The following CSNK2A1 variants were observed in gnomAD, a reference collection of about 807,000 sequenced individuals.
The protein encoded by CSNK2A1 is casein kinase II subunit alpha.
In CSNK2A1, 10 loss-of-function variants were observed where a neutral mutation model predicts 62.9. The observed-to-expected ratio is 0.16, with a 90% CI of 0.10 to 0.27. The LOEUF (loss-of-function observed/expected upper bound fraction) is 0.27, where lower values mean the gene tolerates loss of function less well. CSNK2A1 is among the 10% of genes least tolerant of loss of function. The pLI is 1.00. For missense variants in CSNK2A1, 160 were observed against 492.0 expected, an observed-to-expected ratio of 0.33 and a Z score of 6.38; for synonymous variants, 124 against 167.8, an observed-to-expected ratio of 0.74 and a Z score of 2.02.
chr20:500,704 T>C (rs924773566), intron 4 of CSNK2A1: 1 of 145,352 alleles, frequency 6.9e-6, no homozygotes, highest in Non-Finnish European at 1.5e-5. Flanking sequence ...AGTGGTGCAA[T>C]CTTGGCTCAC....
intron 1 of CSNK2A1, among the ~76,000 whole-genome samples, chr20:535,547 G>A (rs2019300891): frequency 6.6e-6 from 1 of 152,064 alleles, no homozygotes; most frequent in Non-Finnish European, 1.5e-5. Flanking sequence ...CCTGAGGTCA[G>A]GAGTTTGAGG....
Position 499,684 on chromosome 20 carries a change from A to T in CSNK2A1, c.315+149T>A. 1.4e-6 allele frequency: 1 copy of T among 718,778 alleles called. No homozygotes were observed. The highest frequency in any genetic ancestry group is 2.4e-6 in the Non-Finnish European group (1 of 413,974). The allele number at this position is 718,778 out of a possible 1,614,324, so 44.5% of individuals were successfully genotyped here. A position where few individuals can be genotyped will look rare whatever the true frequency, so the allele number is the denominator to read the frequency against. On this transcript the variant is annotated intron_variant, in intron 5 of 13. Coordinates refer to ENST00000217244, the MANE Select transcript of CSNK2A1 (RefSeq NM_177559.3). This position sits in a 1 kb window ranked among gnomAD's most constrained non-coding sequence, Gnocchi z 4.2. The stretch of plus-strand genomic sequence containing the variant: ...GGAGGTCTCTTTGAAAGAAAGACCC[A>T]AGCTAGTTAAATGGTATATCTGATT...
intron 1 of CSNK2A1, among the ~76,000 whole-genome samples, chr20:528,725 G>A (rs897685277): frequency 2.0e-5 from 3 of 151,710 alleles, no homozygotes; most frequent in Non-Finnish European, 4.4e-5. Context: ...GCCTCCCAAC[G>A]TGCTGGGATT....
In CSNK2A1 at chr20:478,759, C is replaced by G. The variant is rs6116180; in HGVS notation, c.*5202G>C. The G allele has an allele frequency of 9.3e-3, 2,335 of 251,902 alleles. 68 individuals carry two copies. Among genetic ancestry groups the G allele is most frequent in the African/African-American group, 0.057 (2,177 of 37,986 alleles). 15.6% of individuals were successfully genotyped at this position (251,902 alleles called of 1,614,324 possible). On this transcript the variant is annotated 3_prime_UTR_variant, in exon 14 of 14. Coordinates refer to ENST00000217244, the MANE Select transcript of CSNK2A1 (RefSeq NM_177559.3). ...CCTGGGCAACACGGCAAAACTTCAT[C>G]TCTACCAAAAAAAAAAAAAAAAAAA...
chr20:539,777 T>A (rs1359477029), intron 1 of CSNK2A1: 1 of 152,212 alleles, frequency 6.6e-6, no homozygotes, highest in East Asian at 1.9e-4. Context: ...AAGCTTATCA[T>A]TTCAGAAGTC....
chr20:513,805 G>A (rs2018772747), intron 2 of CSNK2A1, among the ~76,000 whole-genome samples: 1 of 152,154 alleles, frequency 6.6e-6, no homozygotes. Context: ...CCTAATTTAT[G>A]AACTAGCAGA....
At chr20:530,384 AG>A (rs2019188088) in intron 1 of CSNK2A1, among the ~76,000 whole-genome samples, 1 of 152,092 alleles carries the variant, frequency 6.6e-6, no homozygotes, top group Non-Finnish European at 1.5e-5. Context: ...ATTCACTGAC[AG>A]ATATTTGGAC....
chr20:525,792 C>A, intron 2 of CSNK2A1, among the ~76,000 whole-genome samples: 1 of 140,520 alleles, frequency 7.1e-6, no homozygotes, highest in Non-Finnish European at 1.5e-5. Flanking sequence ...CCAGCCTAGG[C>A]AACATAGTGA....
chr20:492,061 T>C (rs2018246820), intron 9 of CSNK2A1, among the ~76,000 whole-genome samples, 193 bp downstream of exon 9: 2 of 152,202 alleles, frequency 1.3e-5, no homozygotes, highest in Admixed American at 1.3e-4. Flanking sequence ...ACCGACATTA[T>C]GACAATAAAA....
In CSNK2A1 at chr20:476,175, C is replaced by T. The variant is rs539019008; in HGVS notation, c.*7786G>A. ...CTGAAACTTGTTAGGCTGGGCCTCT[C>T]CCTCGCCAGTTCAGGCAGCCCCTCC... On this transcript the variant is annotated 3_prime_UTR_variant, in exon 14 of 14. Coordinates refer to ENST00000217244, the MANE Select transcript of CSNK2A1 (RefSeq NM_177559.3). 6.6e-6 allele frequency: 1 copy of T among 152,474 alleles called. No individual in the cohort carries two copies. The highest frequency in any genetic ancestry group is 2.1e-4 in the South Asian group (1 of 4,830). The allele number at this position is 152,474 out of a possible 1,614,324, so 9.4% of individuals were successfully genotyped here.
At chr20:525,913 G>A (rs951239796) in intron 2 of CSNK2A1, among the ~76,000 whole-genome samples, 6 of 151,180 alleles carry the variant, frequency 4.0e-5, no homozygotes, top group Non-Finnish European at 5.9e-5. Context: ...TCTGAGATGG[G>A]AGGAACACTT....
intron 2 of CSNK2A1, among the ~76,000 whole-genome samples, chr20:523,032 T>C (rs2018983642): frequency 1.3e-5 from 2 of 152,190 alleles, no homozygotes; most frequent in African/African-American, 4.8e-5. Context: ...AACATTAGGA[T>C]ATACTGAGGG....
At chr20:514,573 T>C (rs1432473288) in intron 2 of CSNK2A1, among the ~76,000 whole-genome samples, 1 of 151,770 alleles carries the variant, frequency 6.6e-6, no homozygotes, top group Non-Finnish European at 1.5e-5. Flanking sequence ...TCCTGAGTAG[T>C]TGGGACTATA....
intron 7 of CSNK2A1, among the ~76,000 whole-genome samples, chr20:497,391 T>C (rs771004188): frequency 2.8e-4 from 42 of 152,250 alleles, no homozygotes; most frequent in Non-Finnish European, 5.6e-4. Flanking sequence ...CAAGCAATCC[T>C]CCTGCCTTGG....
intron 8 of CSNK2A1, 49 bp from the exon 9 acceptor site, chr20:492,413 A>G (rs1176178461): frequency 6.3e-7 from 1 of 1,578,044 alleles, no homozygotes. Context: ...TAAGCTACCC[A>G]CACTGTGCCA....
chr20:542,285 T>C (rs1273638854), intron 1 of CSNK2A1, among the ~76,000 whole-genome samples: 1 of 152,204 alleles, frequency 6.6e-6, no homozygotes, highest in Non-Finnish European at 1.5e-5. Context: ...ACGGGAAAAC[T>C]GAGGCTTAGA....
At chr20:535,062 A>T (rs1043766774) in intron 1 of CSNK2A1, among the ~76,000 whole-genome samples, 3 of 148,900 alleles carry the variant, frequency 2.0e-5, no homozygotes. Context: ...AAAAAAAAAA[A>T]AAAATTTCTT....
Position 541,124 on chromosome 20 carries a change from C to T in CSNK2A1, c.-227+2548G>A, listed in dbSNP as rs186296147. ...TCTAGCAAAGGCAAATGGAGTCCTT[C>T]TCATGCTTCAAATCTCTGATTTCCT... On this transcript the variant is annotated intron_variant, in intron 1 of 13. Coordinates refer to ENST00000217244, the MANE Select transcript of CSNK2A1 (RefSeq NM_177559.3). The T allele has an allele frequency of 1.8e-3, 277 of 152,312 alleles. 2 individuals are homozygous for T. Among genetic ancestry groups the T allele is most frequent in the African/African-American group, 6.2e-3 (257 of 41,568 alleles). The allele number at this position is 152,312 out of a possible 1,614,324, so 9.4% of individuals were successfully genotyped here.
At chr20:537,607 A>C (rs2019362432) in intron 1 of CSNK2A1, among the ~76,000 whole-genome samples, 1 of 152,230 alleles carries the variant, frequency 6.6e-6, no homozygotes, top group South Asian at 2.1e-4. Flanking sequence ...TTTCCTTAAT[A>C]ATCCTAGAGG....
Sources: gnomAD v4.1 joint callset for allele counts (sites outside exome capture counted in the v4.1 genomes callset) on GRCh38, gnomAD v4.1.1 for gene constraint, Gnocchi (gnomAD v3.1) non-coding constraint, MANE v1.5 for transcripts, NCBI Gene and HGNC (gene_info 2026-07-23, HGNC 2026-07-21) for gene names.